The following ARHGAP8 variants were observed in gnomAD, a reference collection of about 807,000 sequenced individuals.
ARHGAP8 encodes the protein rho GTPase-activating protein 8.
In ARHGAP8, 62 loss-of-function variants were observed where a neutral mutation model predicts 46.1. The observed-to-expected ratio is 1.34, with a 90% confidence interval of 1.10 to 1.66. ARHGAP8 has a LOEUF of 1.66. Ranked by LOEUF, ARHGAP8 falls within the 40% of genes most tolerant of loss-of-function variation. The probability of loss-of-function intolerance (pLI) is 0.00; values close to 1 mark genes in which losing one functional copy is unlikely to be tolerated. For synonymous variants in ARHGAP8, 375 were observed against 243.1 expected (o/e 1.54, Z -5.05); for missense variants, 923 against 568.4 (o/e 1.62, Z -6.34).
chr22:44,814,561 G>A (rs1602214953), intron 4 of ARHGAP8, 111 bp from the exon 5 acceptor site: 1 of 875,166 alleles, frequency 1.1e-6, no homozygotes, highest in South Asian at 1.7e-5. Context: ...ATCCTGTTGA[G>A]AGGAGTAACA....
At chr22:44,786,969 A>G (rs1927286070) in intron 2 of ARHGAP8, among the ~76,000 whole-genome samples, 1 of 150,942 alleles carries the variant, frequency 6.6e-6, no homozygotes, top group Middle Eastern at 3.4e-3. Context: ...CAGTGAGCCA[A>G]GATCACACCA....
chr22:44,830,490 G>A (rs879787621), intron 7 of ARHGAP8, among the ~76,000 whole-genome samples: 1 of 142,096 alleles, frequency 7.0e-6, no homozygotes, highest in South Asian at 2.4e-4. Flanking sequence ...GCCACCATGC[G>A]AGCTAAATTT....
chr22:44,783,512 G>A (rs1368275637), intron 1 of ARHGAP8, among the ~76,000 whole-genome samples: 1 of 152,146 alleles, frequency 6.6e-6, no homozygotes, highest in Admixed American at 6.5e-5. Flanking sequence ...ACATCCAGCC[G>A]CTCTGTCACA....
At chr22:44,848,823 C>G in intron 9 of ARHGAP8, 109 bp from the exon 10 acceptor site, 2 of 1,549,274 alleles carry the variant, frequency 1.3e-6, no homozygotes, top group Non-Finnish European at 1.7e-6. Flanking sequence ...GCTCCAGCAT[C>G]AGGTGCGTCC....
chr22:44,788,384 G>T (rs1328414849), intron 2 of ARHGAP8, among the ~76,000 whole-genome samples: 1 of 152,028 alleles, frequency 6.6e-6, no homozygotes, highest in African/African-American at 2.4e-5. Context: ...CTCCCAAAGT[G>T]CTGGGATTAT....
chr22:44,758,859 G>A lies in ARHGAP8; in HGVS notation c.-72+6232G>A, dbSNP rs1275843716. 2.0e-5 allele frequency among the ~76,000 whole-genome samples: 3 copies of A among 152,242 alleles called. No individual in the cohort carries two copies. In the East Asian group the frequency reaches 5.8e-4, roughly 29 times the overall value. The stretch of plus-strand genomic sequence containing the variant: ...GGTTGTCATGGAAGGTGTTGAATAG[G>A]CAGTTTGGATATTCAAGTTTGAGTT... On this transcript the variant is annotated intron_variant, in intron 1 of 11. Transcript: ENST00000356099.
intron 11 of ARHGAP8, among the ~76,000 whole-genome samples, chr22:44,860,108 G>T (rs1467143337): frequency 6.6e-6 from 1 of 152,066 alleles, no homozygotes; most frequent in Admixed American, 6.6e-5. Flanking sequence ...TTGTTATTGG[G>T]GTCCTCTGCC....
Position 44,828,158 on chromosome 22 carries a change from C to T in ARHGAP8, c.596+2565C>T, listed in dbSNP as rs768722364. Among the ~76,000 whole-genome samples, 8 of 152,318 alleles carry T rather than the reference C, an allele frequency of 5.3e-5. No homozygotes were observed. The South Asian group carries it at 1.2e-3, about 24-fold the overall frequency. The stretch of plus-strand genomic sequence containing the variant: ...CTTAAGACATTTTGTAAGCACTTTG[C>T]CAATAAATGAGCAAGAGACTATATG... On this transcript the variant is annotated intron_variant, in intron 7 of 11. Coordinates refer to ENST00000356099, the MANE Select transcript of ARHGAP8 (RefSeq NM_181335.3).
chr22:44,856,027 T>C (rs932099454), intron 10 of ARHGAP8, among the ~76,000 whole-genome samples: 1 of 152,056 alleles, frequency 6.6e-6, no homozygotes, highest in Non-Finnish European at 1.5e-5. Context: ...GGTGAGGTCA[T>C]GCCACACACT....
At position 44,825,726 on chromosome 22, in the gene ARHGAP8, G is replaced by T; in HGVS notation, c.596+133G>T. 3 of 1,134,188 alleles carry T rather than the reference G, an allele frequency of 2.6e-6. No homozygotes were observed. In the Admixed American group the frequency reaches 8.2e-5, roughly 31 times the overall value. 70.3% of individuals were successfully genotyped at this position (1,134,188 alleles called of 1,614,324 possible). ...AGCTGAACCCTGCAGGAAAGATAAAGCCTGAGCTCATCACTGAGGCCGTGG... is the reference window on the plus strand; with the variant it reads ...AGCTGAACCCTGCAGGAAAGATAAATCCTGAGCTCATCACTGAGGCCGTGG... On this transcript the variant is annotated intron_variant, in intron 7 of 11. Coordinates refer to ENST00000356099, the MANE Select transcript of ARHGAP8 (RefSeq NM_181335.3).
At chr22:44,818,742 G>C (rs552348871) in intron 5 of ARHGAP8, among the ~76,000 whole-genome samples, 2 of 151,962 alleles carry the variant, frequency 1.3e-5, no homozygotes, top group Admixed American at 1.3e-4. Flanking sequence ...CATCAGCCCG[G>C]CTGGAGTGCA....
At chr22:44,828,350 T>TGCA (rs1282323056) in intron 7 of ARHGAP8, among the ~76,000 whole-genome samples, 1 of 151,564 alleles carries the variant, frequency 6.6e-6, no homozygotes, top group East Asian at 1.9e-4. Context: ...GGCAGGCACC[T>TGCA]GCAGTGACCT....
chr22:44,754,375 A>G (rs1602131006), intron 1 of ARHGAP8, among the ~76,000 whole-genome samples: 1 of 105,698 alleles, frequency 9.5e-6, no homozygotes, highest in African/African-American at 4.0e-5. Flanking sequence ...TGTGTGTGTG[A>G]CGCAGTTTTC....
At chr22:44,798,346 A>G (rs1430365130) in intron 2 of ARHGAP8, among the ~76,000 whole-genome samples, 1 of 151,606 alleles carries the variant, frequency 6.6e-6, no homozygotes, top group African/African-American at 2.4e-5. Flanking sequence ...CCTGGGCTCA[A>G]GTGATCCTCC....
In ARHGAP8 at chr22:44,812,829, G is replaced by A. The variant is rs151078428; in HGVS notation, c.300-1843G>A. 1.4e-3 allele frequency among the ~76,000 whole-genome samples: 209 copies of A among 152,262 alleles called. 2 individuals carry two copies. Among genetic ancestry groups the A allele is most frequent in the Middle Eastern group, 3.4e-3 (1 of 294 alleles). On this transcript the variant is annotated intron_variant, in intron 4 of 11. Coordinates refer to ENST00000356099, the MANE Select transcript of ARHGAP8 (RefSeq NM_181335.3). The stretch of plus-strand genomic sequence containing the variant: ...ATGAGCACTCGGCATCTGACGAAGG[G>A]AAGAGCTTTTTCTTCTCCTCACTTA...
At chr22:44,765,275 C>T (rs1330434055) in intron 1 of ARHGAP8, 1 of 152,392 alleles carries the variant, frequency 6.6e-6, no homozygotes, top group Admixed American at 6.5e-5. Flanking sequence ...AGCTGTGTCC[C>T]TGTGCCCTGG....
At chr22:44,792,217 G>A (rs1927745921) in intron 2 of ARHGAP8, among the ~76,000 whole-genome samples, 3 of 151,968 alleles carry the variant, frequency 2.0e-5, no homozygotes, top group African/African-American at 7.3e-5. Flanking sequence ...TCATCATGTT[G>A]GTCAGGCTGG....
intron 11 of ARHGAP8, among the ~76,000 whole-genome samples, chr22:44,860,610 ATCTT>A (rs1202716094): frequency 6.8e-6 from 1 of 147,196 alleles, no homozygotes; most frequent in Admixed American, 6.9e-5. Context: ...TCTGTGGTCT[ATCTT>A]AGAGGGGCCA....
chr22:44,859,356 T>C (rs1246275171), intron 10 of ARHGAP8, among the ~76,000 whole-genome samples: 2 of 152,034 alleles, frequency 1.3e-5, no homozygotes, highest in Non-Finnish European at 2.9e-5. Context: ...GGCACCTCTG[T>C]CCCACTCTCT....
Sources: gnomAD v4.1 joint callset for allele counts (sites outside exome capture counted in the v4.1 genomes callset) on GRCh38, gnomAD v4.1.1 for gene constraint, MANE v1.5 for transcripts, NCBI Gene and HGNC (gene_info 2026-07-23, HGNC 2026-07-21) for gene names.